Variants in MAPK15 observed in about 807,000 individuals in gnomAD.
MAPK15 encodes the protein mitogen-activated protein kinase 15, also known as ERK-7.
MAPK15 carries 61 observed loss-of-function variants against 60.8 expected under a neutral mutation model. The observed-to-expected ratio is 1.00, with a 90% confidence interval of 0.82 to 1.24. MAPK15 has a LOEUF of 1.24. Among genes scored for constraint, MAPK15 ranks in the 50% most tolerant of loss-of-function variants. The pLI, the probability that MAPK15 is intolerant of heterozygous loss-of-function variation, is 0.00. For missense variants in MAPK15, 808 were observed against 741.1 expected (o/e 1.09, Z -1.05); for synonymous variants, 356 against 319.9 (o/e 1.11, Z -1.21).
chr8:143,722,063 AACTGTAC>A lies in MAPK15; in HGVS notation c.1459-9_1459-3del. 1.2e-6 allele frequency: 2 copies of A among 1,611,008 alleles called. No homozygotes were observed. The highest frequency in any genetic ancestry group is 1.7e-6 in the Non-Finnish European group (2 of 1,179,564). ...CTGATGGCCCCTTTATGTGACCCTC[AACTGTAC>A]ACAGGTCCCTCCCCGGCTTCCTCCG... On this transcript the variant is annotated splice_region_variant and splice_polypyrimidine_tract_variant and intron_variant, in intron 13 of 13. Coordinates refer to ENST00000338033, the MANE Select transcript of MAPK15 (RefSeq NM_139021.3).
chr8:143,719,400 G>T lies in MAPK15; in HGVS notation c.639G>T (p.Arg213=). The change falls in exon 7 of 14, where the codon CGG becomes CGT. Residue 213 remains arginine, a synonymous_variant. Transcript: ENST00000338033. ...GCTGTATCCTGGGGGAGATGCTGCG[G>T]GGGAGACCCCTGTTCCCCGGCACGT... The part of the protein sequence containing the change: ...SLGCILGEML[R]GRPLFPGTST... 1.9e-6 allele frequency: 3 copies of T among 1,611,662 alleles called. No homozygotes were observed. Among genetic ancestry groups the T allele is most frequent in the Non-Finnish European group, 2.5e-6 (3 of 1,179,052 alleles).
At position 143,718,978 on chromosome 8, in the gene MAPK15, G is replaced by T; in HGVS notation, c.418-15G>T. 1 of 1,603,974 alleles carries T rather than the reference G, an allele frequency of 6.2e-7. No individual in the cohort carries two copies. The highest frequency in any genetic ancestry group is 1.1e-5 in the South Asian group (1 of 90,016). On this transcript the variant is annotated splice_polypyrimidine_tract_variant and intron_variant, in intron 5 of 13. Coordinates refer to ENST00000338033, the MANE Select transcript of MAPK15 (RefSeq NM_139021.3). ...CCACCCAGCCCCGGGGCCTCAGCCT[G>T]CCTCCTCTCTGCAGCCGTCCAATGT... is the stretch of plus-strand genomic sequence containing the variant.
At chr8:143,716,511 G>A in intron 1 of MAPK15, 68 bp downstream of exon 1, 2 of 1,472,818 alleles carry the variant, frequency 1.4e-6, no homozygotes, top group Non-Finnish European at 1.8e-6. Flanking sequence ...GACCTGCGGG[G>A]CGCGGCCGGT....
Position 143,721,764 on chromosome 8 carries a change from G to C in MAPK15, c.1342G>C (p.Gly448Arg). ...PLTLSLVKPS[G>R]RGAAPSLTSQ... ...TGGCCCTTCCCAGGTGAAGCCAAGC[G>C]GGAGGGGAGCTGCGCCCTCCCTGAC... The change falls in exon 13 of 14, where the codon GGG becomes CGG. Residue 448 changes from glycine (G) to arginine (R), a missense_variant. Coordinates refer to ENST00000338033, the MANE Select transcript of MAPK15 (RefSeq NM_139021.3). 1 of 1,613,504 alleles carries C rather than the reference G, an allele frequency of 6.2e-7. No individual in the cohort carries two copies. Among genetic ancestry groups the C allele is most frequent in the Non-Finnish European group, 8.5e-7 (1 of 1,179,874 alleles).
chr8:143,718,291 T>G lies in MAPK15; in HGVS notation c.275T>G (p.Phe92Cys), dbSNP rs1554618823. 6.2e-7 allele frequency: 1 copy of G among 1,613,990 alleles called. No individual in the cohort carries two copies. The highest frequency in any genetic ancestry group is 8.5e-7 in the Non-Finnish European group (1 of 1,180,002). Reference sequence around the variant, plus strand: ...AACGACAGGGACATTTACCTGGTGTTTGAGTTTATGGGTGAGTGAGGCCCC... The same window carrying G: ...AACGACAGGGACATTTACCTGGTGTGTGAGTTTATGGGTGAGTGAGGCCCC... ...AENDRDIYLV[F>C]EFMDTDLNAV... Residue 92 changes from phenylalanine to cysteine, a missense_variant, in exon 4 of 14, where the codon TTT (phenylalanine) becomes TGT (cysteine). Physicochemically the swap from Phe to Cys is radical, Grantham distance 205. Transcript: ENST00000338033.
Position 143,719,075 on chromosome 8 carries a change from AG to A in MAPK15, c.504del (p.Pro169LeufsTer6). The A allele has an allele frequency of 6.4e-7, 1 of 1,573,450 alleles. No individual in the cohort carries two copies. On this transcript the variant is annotated frameshift_variant, in exon 6 of 14. Transcript: ENST00000338033. LOFTEE classifies it high-confidence loss of function. The part of the protein sequence containing the change: ...GLARSLGDLP[E>X]GPEDQAVTEY... ...GCCCGCTCCCTGGGCGACCTCCCCG[AG>A]GGGCCTGAGGACCAGGCCGTGACAG...
chr8:143,718,831 C>T lies in MAPK15; in HGVS notation c.343C>T (p.Arg115Cys), dbSNP rs782627573. The change falls in exon 5 of 14, where the codon CGC (arginine) becomes TGC (cysteine). Residue 115 changes from arginine (R) to cysteine (C), a missense_variant. Physicochemically the swap from Arg to Cys is radical, Grantham distance 180. Coordinates refer to ENST00000338033, the MANE Select transcript of MAPK15 (RefSeq NM_139021.3). The part of the protein sequence containing the change: ...KGGLLQDVHV[R>C]SIFYQLLRAT... ...CGGCCTGCTGCAGGACGTCCACGTG[C>T]GCTCCATCTTCTACCAGCTCCTGCG... 1.6e-5 allele frequency: 26 copies of T among 1,611,972 alleles called. No homozygotes were observed. The highest frequency in any genetic ancestry group is 4.4e-5 in the South Asian group (4 of 90,952).
chr8:143,718,487 G>A (rs1408615829), intron 4 of MAPK15, 185 bp downstream of exon 4: 43 of 667,588 alleles, frequency 6.4e-5, no homozygotes, highest in South Asian at 5.9e-4. Flanking sequence ...AGCCAGCAGC[G>A]ACCCCTTTCG....
At chr8:143,719,209 C>A in intron 6 of MAPK15, 53 bp downstream of exon 6, 1 of 1,500,454 alleles carries the variant, frequency 6.7e-7, no homozygotes, top group East Asian at 2.5e-5. Context: ...GCCCTCCTGC[C>A]CAGCCAGGGC....
chr8:143,722,140 G>C lies in MAPK15; in HGVS notation c.1524G>C (p.Gln508His). The part of the protein sequence containing the change: ...GRRMFSTSAL[Q>H]GAQGGARALL... ...GGATGTTCAGCACCTCTGCCTTGCA[G>C]GGTGCCCAGGGGGGTGCCAGGGCTT... The change falls in exon 14 of 14, where the codon CAG (glutamine) becomes CAC (histidine). Residue 508 changes from glutamine to histidine, a missense_variant. Physicochemically the swap from Gln to His is conservative, Grantham distance 24 (BLOSUM62 0). Transcript: ENST00000338033. 3 of 1,611,902 alleles carry C rather than the reference G, an allele frequency of 1.9e-6. No homozygotes were observed. Among genetic ancestry groups the C allele is most frequent in the South Asian group, 2.2e-5 (2 of 90,996 alleles).
intron 6 of MAPK15, 33 bp from the exon 7 acceptor site, chr8:143,719,310 G>A: frequency 6.4e-7 from 1 of 1,569,268 alleles, no homozygotes; most frequent in Non-Finnish European, 8.6e-7. Context: ...CTGCCTCTGG[G>A]TCTCTCCATG....
intron 7 of MAPK15, 152 bp downstream of exon 7, chr8:143,719,634 C>A: frequency 8.9e-7 from 1 of 1,124,964 alleles, no homozygotes; most frequent in Non-Finnish European, 1.2e-6. Context: ...CCAGGAAGAC[C>A]GACTGGTGAT....
intron 11 of MAPK15, 28 bp downstream of exon 11, chr8:143,721,439 C>T (rs370128386): frequency 2.1e-4 from 333 of 1,608,226 alleles, no homozygotes; most frequent in African/African-American, 1.1e-3. Context: ...GCCGCCCACG[C>T]GGAGCACGGC....
chr8:143,722,218 C>A lies in MAPK15; in HGVS notation c.1602C>A (p.Gly534=). ...GGACTGTCTGCCACTCGGCACTGGG[C>A]CACCTGCCCCTGCTGGAGGGGCACC... ...AYGTVCHSAL[G]HLPLLEGHHV The change falls in exon 14 of 14, where the codon GGC becomes GGA. Residue 534 remains glycine (G), a synonymous_variant. Transcript: ENST00000338033. 1 of 1,599,050 alleles carries A rather than the reference C, an allele frequency of 6.3e-7. No individual in the cohort carries two copies. Among genetic ancestry groups the A allele is most frequent in the Non-Finnish European group, 8.5e-7 (1 of 1,172,374 alleles).
In MAPK15 at chr8:143,722,419, C is replaced by T. The variant is rs1472663704; in HGVS notation, c.*168C>T. 9 of 555,014 alleles carry T rather than the reference C, an allele frequency of 1.6e-5. No individual in the cohort carries two copies. The highest frequency in any genetic ancestry group is 2.2e-5 in the Non-Finnish European group (7 of 324,852). 34.4% of individuals were successfully genotyped at this position (555,014 alleles called of 1,614,324 possible). Reference sequence around the variant, plus strand: ...GGAGCAGATGAGGGCCCTGCCCCCGCCCCACTGACTTCCTCCAATAAAGTC... The same window carrying T: ...GGAGCAGATGAGGGCCCTGCCCCCGTCCCACTGACTTCCTCCAATAAAGTC... On this transcript the variant is annotated 3_prime_UTR_variant, in exon 14 of 14. Transcript: ENST00000338033.
Position 143,718,918 on chromosome 8 carries a change from C to T in MAPK15, c.417+13C>T, listed in dbSNP as rs74800153. ...CCGGGACCAGAAGGTGCGGTTCCCCCGCCCCCGCTATGCCACGTGGCCCGG... is the reference window on the plus strand; with the variant it reads ...CCGGGACCAGAAGGTGCGGTTCCCCTGCCCCCGCTATGCCACGTGGCCCGG... On this transcript the variant is annotated intron_variant, in intron 5 of 13. Coordinates refer to ENST00000338033, the MANE Select transcript of MAPK15 (RefSeq NM_139021.3). 1.7e-3 allele frequency: 2,728 copies of T among 1,599,408 alleles called. 3 individuals are homozygous for T. Among genetic ancestry groups the T allele is most frequent in the African/African-American group, 5.3e-3 (400 of 74,842 alleles).
intron 7 of MAPK15, 42 bp downstream of exon 7, chr8:143,719,524 G>A: frequency 1.9e-6 from 3 of 1,596,066 alleles, no homozygotes; most frequent in Non-Finnish European, 1.7e-6. Flanking sequence ...AATGCTGCAG[G>A]TCAGACAGCA....
Position 143,719,447 on chromosome 8 carries a change from T to C in MAPK15, c.686T>C (p.Leu229Pro). ...PGTSTLHQLE[L>P]ILETIPPPSE... ...ACGTCCACCCTCCACCAGCTGGAGC[T>C]GATCCTGGAGACCATCCCACCGCCA... The change falls in exon 7 of 14, where the codon CTG (leucine) becomes CCG (proline). Residue 229 changes from leucine (L) to proline (P), a missense_variant. Physicochemically the swap from Leu to Pro is moderately conservative, Grantham distance 98 (BLOSUM62 -3). Coordinates refer to ENST00000338033, the MANE Select transcript of MAPK15 (RefSeq NM_139021.3). The C allele has an allele frequency of 6.2e-7, 1 of 1,608,672 alleles. No individual in the cohort carries two copies. Among genetic ancestry groups the C allele is most frequent in the Non-Finnish European group, 8.5e-7 (1 of 1,178,584 alleles).
chr8:143,721,550 G>C lies in MAPK15; in HGVS notation c.1206G>C (p.Glu402Asp), dbSNP rs782148391. Residue 402 changes from glutamate (E) to aspartate (D), a missense_variant and splice_region_variant, in exon 12 of 14, where the codon GAG (glutamate) becomes GAC (aspartate). By Grantham distance (45) the Glu-to-Asp change is conservative. Coordinates refer to ENST00000338033, the MANE Select transcript of MAPK15 (RefSeq NM_139021.3). The part of the protein sequence containing the change: ...SSPGHDPAEH[E>D]SPRAAKNVPR... ...GGGGTTGACCCACTGACCCCACAGAGTCCCCCCGTGCAGCCAAGAACGTTC... is the reference window on the plus strand; with the variant it reads ...GGGGTTGACCCACTGACCCCACAGACTCCCCCCGTGCAGCCAAGAACGTTC... 4.3e-6 allele frequency: 7 copies of C among 1,613,752 alleles called. No individual in the cohort carries two copies. The highest frequency in any genetic ancestry group is 5.9e-6 in the Non-Finnish European group (7 of 1,179,864).
Sources: gnomAD v4.1 joint callset for allele counts on GRCh38, gnomAD v4.1.1 for gene constraint, MANE v1.5 for transcripts, NCBI Gene and HGNC (gene_info 2026-07-23, HGNC 2026-07-21) for gene names.